NDUFB10: variants seen among roughly 807,000 people sequenced by gnomAD.
NDUFB10 encodes NADH dehydrogenase [ubiquinone] 1 beta subcomplex subunit 10.
In NDUFB10, 23 loss-of-function variants were observed where a neutral mutation model predicts 19.0. That is an observed-to-expected ratio of 1.21 (90% CI 0.87 to 1.71). The LOEUF (loss-of-function observed/expected upper bound fraction) is 1.71, where lower values mean the gene tolerates loss of function less well. NDUFB10 is among the 40% of genes most tolerant of loss of function. The pLI is 0.00. For synonymous variants in NDUFB10, 104 were observed against 81.8 expected (o/e 1.27, Z -1.46); for missense variants, 312 against 230.6 (o/e 1.35, Z -2.29).
chr16:1,961,643 G>GGGGCCCCCCCCCCC lies in NDUFB10; in HGVS notation c.409+7_409+8insGGGCCCCCCCCCCC. On this transcript the variant is annotated splice_region_variant and intron_variant, in intron 3 of 3. Transcript: ENST00000268668. ...AAGGCCTACCAGGACCGCTGTGCGT[G>GGGGCCCCCCCCCCC]CCCCACCCACCCCCAACCCCCCACC... 7 of 1,546,974 alleles carry GGGGCCCCCCCCCCC rather than the reference G, an allele frequency of 4.5e-6. No individual in the cohort carries two copies. The highest frequency in any genetic ancestry group is 1.5e-5 in the African/African-American group (1 of 67,516).
At position 1,961,761 on chromosome 16, in the gene NDUFB10, G is replaced by T. The variant is rs1252484985; in HGVS notation, c.410-36G>T. On this transcript the variant is annotated intron_variant, in intron 3 of 3. Transcript: ENST00000268668. ...TTTGCCCCCTTTGCATGTAGCAGAG[G>T]CCTCGGTTCCCAGCTTGTTTCCATT... 2.6e-6 allele frequency: 4 copies of T among 1,543,664 alleles called. No homozygotes were observed. The Admixed American group carries it at 7.9e-5, about 30-fold the overall frequency.
chr16:1,959,549 C>A lies in NDUFB10; in HGVS notation c.-76C>A. ...CCTCGGCGTCCTCTGTAGCGGGCGA[C>A]CTAGGCCGCGGGACCCGGACGGAGG... On this transcript the variant is annotated 5_prime_UTR_variant, in exon 1 of 4. Transcript: ENST00000268668. The A allele has an allele frequency of 6.6e-7, 1 of 1,505,180 alleles. No homozygotes were observed. Among genetic ancestry groups the A allele is most frequent in the Non-Finnish European group, 8.9e-7 (1 of 1,122,636 alleles). 93.2% of individuals were successfully genotyped at this position (1,505,180 alleles called of 1,614,324 possible). A position where few individuals can be genotyped will look rare whatever the true frequency, so the allele number is the denominator to read the frequency against.
intron 3 of NDUFB10, 40 bp from the exon 4 acceptor site, chr16:1,961,757 A>G: frequency 6.5e-7 from 1 of 1,539,818 alleles, no homozygotes; most frequent in Non-Finnish European, 8.8e-7. Context: ...TGCATGTAGC[A>G]GAGGCCTCGG....
intron 1 of NDUFB10, 91 bp from the exon 2 acceptor site, chr16:1,961,062 C>G (rs758746823): frequency 1.4e-5 from 20 of 1,471,048 alleles, no homozygotes; most frequent in Non-Finnish European, 1.9e-5. Context: ...AAGTTCTCCT[C>G]TCTCCCCTCC....
chr16:1,961,124 CA>C (rs2083251212), intron 1 of NDUFB10, 28 bp from the exon 2 acceptor site: 1 of 1,611,850 alleles, frequency 6.2e-7, no homozygotes, highest in Non-Finnish European at 8.5e-7. Flanking sequence ...ACCGATGAGG[CA>C]TTTGAGTCTG....
Position 1,961,619 on chromosome 16 carries a change from A to C in NDUFB10, c.392A>C (p.Lys131Thr), listed in dbSNP as rs748360281. ...KEVEQFTQVAKAYQDRYQDLG... is the reference protein window; with the variant it reads ...KEVEQFTQVATAYQDRYQDLG... ...GTGGAGCAGTTCACCCAGGTGGCCA[A>C]GGCCTACCAGGACCGCTGTGCGTGC... The change falls in exon 3 of 4, where the codon AAG (lysine) becomes ACG (threonine). Residue 131 changes from lysine to threonine, a missense_variant. Physicochemically the swap from Lys to Thr is moderately conservative, Grantham distance 78 (BLOSUM62 -1). Transcript: ENST00000268668. 7 of 1,613,270 alleles carry C rather than the reference A, an allele frequency of 4.3e-6. No individual in the cohort carries two copies. The South Asian group carries it at 5.5e-5, about 13-fold the overall frequency.
At position 1,961,880 on chromosome 16, in the gene NDUFB10, A is replaced by G. The variant is rs141166307; in HGVS notation, c.493A>G (p.Lys165Glu). Reference sequence around the variant, plus strand: ...GATGCTGCAAGAGAGAAAAGCTGCAAAAGAGGCCGCCGCTGCCACCTCCTG... The same window carrying G: ...GATGCTGCAAGAGAGAAAAGCTGCAGAAGAGGCCGCCGCTGCCACCTCCTG... ...QRMLQERKAA[K>E]EAAAATS The change falls in exon 4 of 4, where the codon AAA becomes GAA. Residue 165 changes from lysine to glutamate, a missense_variant. By Grantham distance (56) the Lys-to-Glu change is moderately conservative. Transcript: ENST00000268668. The G allele has an allele frequency of 4.0e-5, 63 of 1,563,732 alleles. No individual in the cohort carries two copies. In the African/African-American group the frequency reaches 7.7e-4, roughly 19 times the overall value.
Position 1,961,017 on chromosome 16 carries a change from C to G in NDUFB10, c.131-136C>G. 7 of 1,097,370 alleles carry G rather than the reference C, an allele frequency of 6.4e-6. No individual in the cohort carries two copies. In the South Asian group the frequency reaches 1.1e-4, roughly 17 times the overall value. The allele number at this position is 1,097,370 out of a possible 1,614,324, so 68.0% of individuals were successfully genotyped here. A position where few individuals can be genotyped will look rare whatever the true frequency, so the allele number is the denominator to read the frequency against. ...TGGCTGGCCACATCCCTTAGAGAGA[C>G]GAATTGCTGTTTTCTAAACGCTGGA... On this transcript the variant is annotated intron_variant, in intron 1 of 3. Transcript: ENST00000268668.
rs1329463129 is a variant in NDUFB10, at chr16:1,959,611, C to T, written c.-14C>T. On this transcript the variant is annotated 5_prime_UTR_variant, in exon 1 of 4. Coordinates refer to ENST00000268668, the MANE Select transcript of NDUFB10 (RefSeq NM_004548.3). ...GCAGCGCGTCCGGGAGCGGAGTCCG[C>T]GCCCGCCGCCGCCATGCCGGACAGC... 3.1e-6 allele frequency: 5 copies of T among 1,602,840 alleles called. No homozygotes were observed. The Admixed American group carries it at 5.1e-5, about 16-fold the overall frequency.
chr16:1,961,122 G>C (rs746840543), intron 1 of NDUFB10, 31 bp from the exon 2 acceptor site: 2 of 1,611,838 alleles, frequency 1.2e-6, no homozygotes, highest in Non-Finnish European at 1.7e-6. Context: ...AAACCGATGA[G>C]GCATTTGAGT....
In NDUFB10 at chr16:1,961,018, G is replaced by A. The variant is rs202154265; in HGVS notation, c.131-135G>A. ...GGCTGGCCACATCCCTTAGAGAGAC[G>A]AATTGCTGTTTTCTAAACGCTGGAA... On this transcript the variant is annotated intron_variant, in intron 1 of 3. Transcript: ENST00000268668. 2.1e-4 allele frequency: 236 copies of A among 1,109,634 alleles called. No homozygotes were observed. The East Asian group carries it at 5.0e-3, about 23-fold the overall frequency. 68.7% of individuals were successfully genotyped at this position (1,109,634 alleles called of 1,614,324 possible). A position where few individuals can be genotyped will look rare whatever the true frequency, so the allele number is the denominator to read the frequency against.
Position 1,959,675 on chromosome 16 carries a change from G to T in NDUFB10, c.51G>T (p.Thr17=), listed in dbSNP as rs749210626. ...TGTACCCTGAGCCCCCGCGCCGCAC[G>T]CCGGTGCAGCCCAATCCCATCGTCT... The part of the protein sequence containing the change: ...KDVYPEPPRR[T]PVQPNPIVYM... Residue 17 remains threonine (T), a synonymous_variant, in exon 1 of 4, where the codon ACG becomes ACT. Coordinates refer to ENST00000268668, the MANE Select transcript of NDUFB10 (RefSeq NM_004548.3). The T allele has an allele frequency of 1.2e-6, 2 of 1,612,978 alleles. No homozygotes were observed. The highest frequency in any genetic ancestry group is 1.7e-5 in the Admixed American group (1 of 60,000).
rs548537061 is a variant in NDUFB10, at chr16:1,961,396, G to A, written c.270-101G>A. On this transcript the variant is annotated intron_variant, in intron 2 of 3. Transcript: ENST00000268668. The stretch of plus-strand genomic sequence containing the variant: ...CATGCCCAGATTTTAGGGGTGACAT[G>A]GGAGGAGCCAGACCCCAGGGCTCTT... 25 of 1,594,558 alleles carry A rather than the reference G, an allele frequency of 1.6e-5. No homozygotes were observed. The East Asian group carries it at 5.1e-4, about 33-fold the overall frequency.
In NDUFB10 at chr16:1,961,506, C is replaced by T. The variant is rs139425696; in HGVS notation, c.279C>T (p.Asp93=). The change falls in exon 3 of 4, where the codon GAC becomes GAT. Residue 93 remains aspartate (D), a synonymous_variant. Transcript: ENST00000268668. ...EMQWKRDYKV[D]QEIINIMQDR... The stretch of plus-strand genomic sequence containing the variant: ...TCCTTTTCTCCACCAGCAAAGTCGA[C>T]CAAGAAATTATCAACATTATGCAGG... 1.2e-4 allele frequency: 195 copies of T among 1,613,974 alleles called. 4 individuals carry two copies. The East Asian group carries it at 1.7e-3, about 14-fold the overall frequency.
At chr16:1,960,845 C>A (rs1325927122) in intron 1 of NDUFB10, among the ~76,000 whole-genome samples, 2 of 152,322 alleles carry the variant, frequency 1.3e-5, no homozygotes, top group Admixed American at 1.3e-4. Flanking sequence ...GGCAGAGCTG[C>A]GTCCCAGTCC....
chr16:1,961,023 G>A, intron 1 of NDUFB10, 130 bp from the exon 2 acceptor site: 1 of 1,151,602 alleles, frequency 8.7e-7, no homozygotes, highest in East Asian at 2.5e-5. Flanking sequence ...GAGACGAATT[G>A]CTGTTTTCTA....
At chr16:1,959,956 C>G (rs1004566952) in intron 1 of NDUFB10, among the ~76,000 whole-genome samples, 2 of 151,928 alleles carry the variant, frequency 1.3e-5, no homozygotes, top group Admixed American at 6.6e-5. Context: ...GACCTCACCT[C>G]CCAGGATCCC....
chr16:1,961,004 TCC>T (rs2150870801), intron 1 of NDUFB10, 147 bp from the exon 2 acceptor site: 1 of 976,062 alleles, frequency 1.0e-6, no homozygotes, highest in African/African-American at 1.7e-5. Flanking sequence ...GCTGGCCACA[TCC>T]CTTAGAGAGA....
chr16:1,960,671 T>C (rs1377252262), intron 1 of NDUFB10, among the ~76,000 whole-genome samples: 2 of 152,348 alleles, frequency 1.3e-5, no homozygotes, highest in African/African-American at 2.4e-5. Flanking sequence ...TTGTAGAGCA[T>C]GTCTGTCCTA....
Sources: allele counts gnomAD v4.1 joint callset (sites outside exome capture counted in the v4.1 genomes callset), GRCh38; gene constraint gnomAD v4.1.1; transcripts MANE v1.5; gene names NCBI Gene and HGNC (gene_info 2026-07-23, HGNC 2026-07-21).